Variants in SV2C observed in about 807,000 individuals in gnomAD.
SV2C encodes solute carrier family 22 member B3.
SV2C carries 49 observed loss-of-function variants against 79.7 expected under a neutral mutation model. The observed-to-expected ratio is 0.61, with a 90% CI of 0.49 to 0.78. The LOEUF is 0.78. Among genes scored for constraint, SV2C ranks in the 30% least tolerant of loss-of-function variants. The pLI is 0.00. For missense variants in SV2C, 833 were observed against 912.9 expected, an observed-to-expected ratio of 0.91 and a Z score of 1.13; for synonymous variants, 334 against 333.2, an observed-to-expected ratio of 1.00 and a Z score of -0.03.
intron 4 of SV2C, among the ~76,000 whole-genome samples, chr5:76,239,581 T>C (rs1354527026): frequency 6.6e-6 from 1 of 152,144 alleles, no homozygotes; most frequent in East Asian, 1.9e-4. Flanking sequence ...AAGGATCCAC[T>C]TACAAGGGGG....
At chr5:76,064,518 C>T in the SV2C span, among the ~76,000 whole-genome samples, 4 of 152,214 alleles carry the variant, frequency 2.6e-5, no homozygotes, top group Admixed American at 6.5e-5. Flanking sequence ...TTGCACATCA[C>T]TTGCTCCGTC....
chr5:75,885,660 C>T, the SV2C span, among the ~76,000 whole-genome samples: 1 of 152,048 alleles, frequency 6.6e-6, no homozygotes, highest in East Asian at 1.9e-4. Context: ...AGAAATCCTC[C>T]CACCTCATAC....
chr5:75,907,118 G>T, the SV2C span, among the ~76,000 whole-genome samples: 1 of 152,134 alleles, frequency 6.6e-6, no homozygotes, highest in African/African-American at 2.4e-5. Flanking sequence ...ACAACCACTG[G>T]CCATATCATT....
At chr5:76,258,198 G>T (rs1453362265) in intron 4 of SV2C, among the ~76,000 whole-genome samples, 3 of 151,766 alleles carry the variant, frequency 2.0e-5, no homozygotes, top group Non-Finnish European at 4.4e-5. Context: ...CGACCACAAA[G>T]GTCAGAGCTT....
At chr5:76,139,097 C>A (rs549496797) in intron 2 of SV2C, among the ~76,000 whole-genome samples, 13 of 150,340 alleles carry the variant, frequency 8.6e-5, no homozygotes, top group Non-Finnish European at 1.8e-4. Context: ...CCAGCCTGGG[C>A]GATGGAGCGA....
chr5:75,979,348 T>C, the SV2C span, among the ~76,000 whole-genome samples: 17 of 151,802 alleles, frequency 1.1e-4, 1 homozygote, highest in African/African-American at 4.1e-4. Flanking sequence ...ACAGAAATAT[T>C]CATGACCTGA....
chr5:75,977,279 C>T, the SV2C span, among the ~76,000 whole-genome samples: 4 of 152,248 alleles, frequency 2.6e-5, no homozygotes, highest in African/African-American at 9.6e-5. Context: ...AGGAGATTTA[C>T]AGCAATCAAT....
At chr5:76,239,464 C>G (rs1293067346) in intron 4 of SV2C, among the ~76,000 whole-genome samples, 1 of 152,186 alleles carries the variant, frequency 6.6e-6, no homozygotes, top group Admixed American at 6.5e-5. Context: ...GGAATTTAGA[C>G]AGTGTGCAGA....
the SV2C span, among the ~76,000 whole-genome samples, chr5:75,923,966 A>G: frequency 1.3e-5 from 2 of 152,364 alleles, no homozygotes; most frequent in African/African-American, 2.4e-5. Context: ...ATGCATGTTT[A>G]TAGCAACACA....
the SV2C span, among the ~76,000 whole-genome samples, chr5:76,050,933 T>C: frequency 6.6e-6 from 1 of 152,104 alleles, no homozygotes; most frequent in Non-Finnish European, 1.5e-5. Flanking sequence ...TTGACTGGAA[T>C]AAAAAATAAT....
At chr5:75,900,137 TTGA>T in the SV2C span, among the ~76,000 whole-genome samples, 1 of 150,182 alleles carries the variant, frequency 6.7e-6, no homozygotes, top group Non-Finnish European at 1.5e-5. Context: ...TGCTTGTTAG[TTGA>T]TGCAGTTCCT....
At position 76,291,851 on chromosome 5, in the gene SV2C, C is replaced by G. The variant is rs775622314; in HGVS notation, c.1332C>G (p.Ser444=). The change falls in exon 8 of 13, where the codon TCC becomes TCG. Residue 444 remains serine (S), a synonymous_variant. Transcript: ENST00000502798. ...TTACAATTGTTTGGTTCACCCTGTC[C>G]TTTGGGTAAGTGATATTTAAATTCT... ...IKLTIVWFTL[S]FGYYGLSVWF... is the part of the protein sequence containing the mutation. 1.6e-5 allele frequency: 25 copies of G among 1,604,386 alleles called. No homozygotes were observed. Among genetic ancestry groups the G allele is most frequent in the Non-Finnish European group, 2.0e-5 (24 of 1,173,636 alleles).
At chr5:75,989,586 A>G in the SV2C span, among the ~76,000 whole-genome samples, 6 of 152,176 alleles carry the variant, frequency 3.9e-5, no homozygotes, top group South Asian at 2.1e-4. Flanking sequence ...TAGTGCTGCA[A>G]TGAACATACA....
At chr5:76,127,544 G>A (rs1288520523) in intron 1 of SV2C, among the ~76,000 whole-genome samples, 1 of 152,186 alleles carries the variant, frequency 6.6e-6, no homozygotes. Context: ...GATGAGTAGG[G>A]CATCTAAACA....
In SV2C at chr5:76,173,618, C is replaced by T. The variant is rs568045345; in HGVS notation, c.581-21301C>T. On this transcript the variant is annotated intron_variant, in intron 2 of 12. Transcript: ENST00000502798. ...TCAGACCTGGCTCAGAGCTACAATG[C>T]ATTTAGTATATTAAAGCAGCTGACA... is the stretch of plus-strand genomic sequence containing the variant. 4.7e-5 allele frequency: 75 copies of T among 1,606,346 alleles called. No individual in the cohort carries two copies. The East Asian group carries it at 1.6e-3, about 35-fold the overall frequency.
At chr5:75,898,238 G>A in the SV2C span, among the ~76,000 whole-genome samples, 40 of 152,198 alleles carry the variant, frequency 2.6e-4, no homozygotes, top group South Asian at 2.1e-3. Context: ...TTTGAGATAC[G>A]TCCCATCAAT....
At chr5:75,872,300 A>G in the SV2C span, among the ~76,000 whole-genome samples, 33 of 152,040 alleles carry the variant, frequency 2.2e-4, no homozygotes, top group African/African-American at 7.2e-4. Context: ...TAGTACTGAA[A>G]GAAATAAAAA....
intron 1 of SV2C, among the ~76,000 whole-genome samples, chr5:76,114,787 G>C (rs1489834555): frequency 6.6e-6 from 1 of 152,224 alleles, no homozygotes; most frequent in Non-Finnish European, 1.5e-5. Context: ...CTAGGGAAAG[G>C]CATGACCAAC....
the SV2C span, among the ~76,000 whole-genome samples, chr5:75,888,225 A>T: frequency 6.6e-6 from 1 of 152,038 alleles, no homozygotes; most frequent in African/African-American, 2.4e-5. Context: ...AGTCCGCTGC[A>T]ACCAGGTGGG....
Sources: gnomAD v4.1 joint callset for allele counts (sites outside exome capture counted in the v4.1 genomes callset) on GRCh38, gnomAD v4.1.1 for gene constraint, MANE v1.5 for transcripts, NCBI Gene and HGNC (gene_info 2026-07-23, HGNC 2026-07-21) for gene names.